WWOX: variants seen among roughly 807,000 people sequenced by gnomAD.
WWOX encodes the protein WW domain-containing oxidoreductase.
A neutral mutation model predicts 46.2 loss-of-function variants in WWOX; 69 were observed. The observed-to-expected ratio is 1.49, with a 90% CI of 1.23 to 1.82. The LOEUF (loss-of-function observed/expected upper bound fraction) is 1.82. Among genes scored for constraint, WWOX ranks in the 40% most tolerant of loss-of-function variants. The probability of loss-of-function intolerance (pLI) is 0.00; values close to 1 mark genes in which losing one functional copy is unlikely to be tolerated. For missense variants in WWOX, 919 were observed against 542.6 expected (o/e 1.69, Z -6.89); for synonymous variants, 359 against 202.6 (o/e 1.77, Z -6.56).
chr16:79,058,248 T>C (rs2048300905), intron 8 of WWOX, among the ~76,000 whole-genome samples: 1 of 152,202 alleles, frequency 6.6e-6, no homozygotes, highest in Non-Finnish European at 1.5e-5. Context: ...GGTGGGCAAC[T>C]TTCTTTGCAT....
At chr16:78,488,305 C>G (rs2084690137) in intron 8 of WWOX, among the ~76,000 whole-genome samples, 1 of 152,212 alleles carries the variant, frequency 6.6e-6, no homozygotes, top group Admixed American at 6.5e-5. Context: ...AGTCCTGTCT[C>G]AGCAGTGAAA....
chr16:78,174,060 T>G (rs548654051), intron 5 of WWOX, among the ~76,000 whole-genome samples: 2 of 152,174 alleles, frequency 1.3e-5, no homozygotes, highest in Non-Finnish European at 2.9e-5. Context: ...TGAAAGGCCC[T>G]GTCTCCAACT....
intron 8 of WWOX, among the ~76,000 whole-genome samples, chr16:78,579,987 G>A (rs2045008156): frequency 6.6e-6 from 1 of 152,160 alleles, no homozygotes; most frequent in Non-Finnish European, 1.5e-5. Context: ...AGCGTTTAAG[G>A]CGCTTGCTCT....
chr16:78,622,348 G>T (rs1324700807), intron 8 of WWOX, among the ~76,000 whole-genome samples: 1 of 151,968 alleles, frequency 6.6e-6, no homozygotes, highest in African/African-American at 2.4e-5. Flanking sequence ...TTTGAGACCA[G>T]CCTGGCCAAC....
At chr16:78,319,688 A>G (rs181527145) in intron 5 of WWOX, among the ~76,000 whole-genome samples, 4 of 152,306 alleles carry the variant, frequency 2.6e-5, no homozygotes, top group East Asian at 3.9e-4. Context: ...GTTCTATGCC[A>G]TTTTTATCAC....
At chr16:78,718,092 G>GTTTTTTTTTTTTTTTTTTTTTTTTT in intron 8 of WWOX, among the ~76,000 whole-genome samples, 4 of 139,666 alleles carry the variant, frequency 2.9e-5, no homozygotes, top group African/African-American at 1.2e-4. Context: ...GGTTCTGGTG[G>GTTTTTTTTTTTTTTTTTTTTTTTTT]TTGTATTTTT....
intron 8 of WWOX, among the ~76,000 whole-genome samples, chr16:79,123,001 C>T (rs2150679488): frequency 6.6e-6 from 1 of 152,268 alleles, no homozygotes; most frequent in African/African-American, 2.4e-5. Context: ...CCTTTTCCTT[C>T]TTCTCTCTTG....
At chr16:78,382,304 G>T (rs1408671234) in intron 5 of WWOX, among the ~76,000 whole-genome samples, 2 of 152,184 alleles carry the variant, frequency 1.3e-5, no homozygotes, top group Non-Finnish European at 2.9e-5. Context: ...ACTATTAAGT[G>T]GAAGTCTTTG....
intron 8 of WWOX, among the ~76,000 whole-genome samples, chr16:79,033,895 C>T (rs1597306493): frequency 6.6e-6 from 1 of 152,326 alleles, no homozygotes; most frequent in African/African-American, 2.4e-5. Flanking sequence ...TCTGTCGCAC[C>T]ATCAAACAGG....
At position 79,106,953 on chromosome 16, in the gene WWOX, G is replaced by T. The variant is rs201621136; in HGVS notation, c.1057-104655G>T. ...CTCTCGAGTAGCTGGGATTCTGGGT[G>T]CCCCCCGCAACCATGTCCCACGAAT... On this transcript the variant is annotated intron_variant, in intron 8 of 8. Transcript: ENST00000566780. 4.0e-5 allele frequency among the ~76,000 whole-genome samples: 6 copies of T among 151,708 alleles called. No homozygotes were observed. The East Asian group carries it at 1.2e-3, about 30-fold the overall frequency.
intron 8 of WWOX, among the ~76,000 whole-genome samples, chr16:78,827,157 C>T (rs915208053): frequency 5.3e-5 from 8 of 152,072 alleles, no homozygotes; most frequent in African/African-American, 1.9e-4. Flanking sequence ...TAGCTGTTCC[C>T]CCAACTGCAA....
At chr16:78,742,019 C>T (rs995542892) in intron 8 of WWOX, among the ~76,000 whole-genome samples, 3 of 152,132 alleles carry the variant, frequency 2.0e-5, no homozygotes, top group Admixed American at 1.3e-4. Flanking sequence ...CCACCCCCTA[C>T]GATGTCTATG....
At chr16:78,125,170 A>C (rs180915642) in intron 4 of WWOX, among the ~76,000 whole-genome samples, 2 of 152,196 alleles carry the variant, frequency 1.3e-5, no homozygotes, top group Non-Finnish European at 2.9e-5. Flanking sequence ...AAATTTATGA[A>C]GATTCCGTAC....
At chr16:78,800,771 G>A (rs2050865551) in intron 8 of WWOX, among the ~76,000 whole-genome samples, 1 of 152,046 alleles carries the variant, frequency 6.6e-6, no homozygotes, top group Admixed American at 6.5e-5. Context: ...AGTGTGTCTG[G>A]GTCTGTGTCA....
At chr16:78,878,891 A>G (rs887166673) in intron 8 of WWOX, among the ~76,000 whole-genome samples, 1 of 127,472 alleles carries the variant, frequency 7.8e-6, no homozygotes, top group Non-Finnish European at 1.7e-5. Flanking sequence ...TACTATCTCT[A>G]CAAAAAAATG....
At chr16:79,143,664 T>G (rs2050132372) in intron 8 of WWOX, among the ~76,000 whole-genome samples, 1 of 152,158 alleles carries the variant, frequency 6.6e-6, no homozygotes, top group South Asian at 2.1e-4. Flanking sequence ...GCCCATTATG[T>G]TTCACACCCT....
At chr16:78,883,050 C>T (rs951051629) in intron 8 of WWOX, among the ~76,000 whole-genome samples, 2 of 152,118 alleles carry the variant, frequency 1.3e-5, no homozygotes, top group African/African-American at 4.8e-5. Flanking sequence ...ACAGGAAGCA[C>T]CTTAGCGGTT....
intron 5 of WWOX, among the ~76,000 whole-genome samples, chr16:78,275,887 C>T (rs369455787): frequency 6.6e-6 from 1 of 152,042 alleles, no homozygotes; most frequent in African/African-American, 2.4e-5. Flanking sequence ...CGAGGAAGTG[C>T]AGCCTCTTGT....
intron 8 of WWOX, among the ~76,000 whole-genome samples, chr16:78,993,070 C>T (rs1182390165): frequency 6.6e-6 from 1 of 151,918 alleles, no homozygotes; most frequent in Non-Finnish European, 1.5e-5. Context: ...TGCACATTTT[C>T]CCCTTCTTTC....
Sources: gnomAD v4.1 joint callset for allele counts (sites outside exome capture counted in the v4.1 genomes callset) on GRCh38, gnomAD v4.1.1 for gene constraint, MANE v1.5 for transcripts, NCBI Gene and HGNC (gene_info 2026-07-23, HGNC 2026-07-21) for gene names.